The following BCAS3 variants were observed in gnomAD, a reference collection of about 807,000 sequenced individuals.
The protein encoded by BCAS3 is BCAS4/BCAS3 fusion.
Under a neutral mutation model 116.1 loss-of-function variants are expected in BCAS3, and 53 were observed. That is an observed-to-expected ratio of 0.46 (90% CI 0.37 to 0.57). BCAS3 has a LOEUF of 0.57. Ranked by LOEUF, BCAS3 falls within the 20% of genes least tolerant of loss-of-function variation. The pLI is 0.00. For missense variants in BCAS3, 917 were observed against 1,165.4 expected (o/e 0.79, Z 3.10); for synonymous variants, 391 against 408.2 (o/e 0.96, Z 0.51).
chr17:61,255,828 T>C (rs984716656), intron 22 of BCAS3, among the ~76,000 whole-genome samples: 2 of 152,192 alleles, frequency 1.3e-5, no homozygotes, highest in Non-Finnish European at 2.9e-5. Context: ...CCTGGCAGTT[T>C]GTTTAGATGT....
intron 15 of BCAS3, among the ~76,000 whole-genome samples, chr17:61,003,191 G>T (rs1200635567): frequency 6.6e-6 from 1 of 150,676 alleles, no homozygotes; most frequent in Non-Finnish European, 1.5e-5. Flanking sequence ...TTAACTTTAT[G>T]AGAATTTCCC....
rs1162325026 is a variant in BCAS3 at position 61,339,659 on chromosome 17, G to A, written c.2426-28668G>A. Among the ~76,000 whole-genome samples the A allele has an allele frequency of 3.9e-5, 6 of 152,016 alleles. No homozygotes were observed. Among genetic ancestry groups the A allele is most frequent in the Admixed American group, 2.6e-4 (4 of 15,256 alleles). On this transcript the variant is annotated intron_variant, in intron 22 of 23. Coordinates refer to ENST00000407086, the MANE Select transcript of BCAS3 (RefSeq NM_017679.5). The surrounding 1 kb of genome is among the most constrained non-coding windows in gnomAD (Gnocchi z 4.4). ...TGCCCATCTGTAATCCCAGCTACTC[G>A]GGAGGCTGAGGCAGGAGAATCGCTC...
chr17:61,150,855 A>G (rs773127339), intron 22 of BCAS3, among the ~76,000 whole-genome samples: 3 of 152,076 alleles, frequency 2.0e-5, no homozygotes, highest in Non-Finnish European at 4.4e-5. Flanking sequence ...TTACCTCATC[A>G]TTTCGTTTCT....
intron 7 of BCAS3, among the ~76,000 whole-genome samples, chr17:60,863,071 T>A (rs1447311779): frequency 6.6e-6 from 1 of 152,222 alleles, no homozygotes; most frequent in African/African-American, 2.4e-5. Flanking sequence ...ATTTTTAGAC[T>A]TATGATCCAT....
At chr17:61,090,760 C>T (rs940881730) in intron 22 of BCAS3, among the ~76,000 whole-genome samples, 26 of 152,034 alleles carry the variant, frequency 1.7e-4, no homozygotes, top group East Asian at 5.8e-4. Flanking sequence ...CGGGTTCAAG[C>T]GATTCTCCTG....
intron 3 of BCAS3, among the ~76,000 whole-genome samples, chr17:60,686,453 G>A (rs1256497599): frequency 6.6e-6 from 1 of 151,988 alleles, no homozygotes; most frequent in Non-Finnish European, 1.5e-5. Flanking sequence ...TTCTAGTTGT[G>A]ATAACATTGA....
At chr17:60,856,927 T>G (rs1488608717) in intron 7 of BCAS3, among the ~76,000 whole-genome samples, 1 of 152,202 alleles carries the variant, frequency 6.6e-6, no homozygotes, top group Non-Finnish European at 1.5e-5. Context: ...GAATTCACTG[T>G]GTAAATTCCA....
chr17:61,026,848 T>C lies in BCAS3; in HGVS notation c.1638-7818T>C, dbSNP rs770784302. ...TTTTCTCTAATTTTTTGTGCATTTT[T>C]CCCCCTTTTCCATGAAGGCCTTATC... is the stretch of plus-strand genomic sequence containing the variant. On this transcript the variant is annotated intron_variant, in intron 16 of 23. Transcript: ENST00000407086. The surrounding 1 kb of genome is among the most constrained non-coding windows in gnomAD (Gnocchi z 5.0). 3.8e-6 allele frequency: 6 copies of C among 1,589,084 alleles called. No individual in the cohort carries two copies. Among genetic ancestry groups the C allele is most frequent in the South Asian group, 2.3e-5 (2 of 86,942 alleles).
chr17:60,778,907 A>G (rs1220422337), intron 6 of BCAS3, among the ~76,000 whole-genome samples: 2 of 152,218 alleles, frequency 1.3e-5, no homozygotes, highest in African/African-American at 2.4e-5. Flanking sequence ...GTTTGTATAC[A>G]TATTAACACA....
chr17:60,951,786 T>TTTTC (rs2060848660), intron 14 of BCAS3, among the ~76,000 whole-genome samples: 1 of 124,052 alleles, frequency 8.1e-6, no homozygotes, highest in African/African-American at 4.0e-5. Flanking sequence ...TTTTTTTTTT[T>TTTTC]CTTTGGAGAC....
intron 22 of BCAS3, among the ~76,000 whole-genome samples, chr17:61,289,421 A>G (rs1311740573): frequency 6.6e-6 from 1 of 152,226 alleles, no homozygotes; most frequent in Non-Finnish European, 1.5e-5. Context: ...GCCATGTGAA[A>G]CCACTCTGTC....
In BCAS3 at chr17:60,845,760, CTTCT is replaced by C. The variant is rs201224522; in HGVS notation, c.477-22807_477-22804del. Among the ~76,000 whole-genome samples the C allele has an allele frequency of 9.6e-3, 1,454 of 151,590 alleles. 28 individuals carry two copies. Among genetic ancestry groups the C allele is most frequent in the African/African-American group, 0.034 (1,393 of 41,320 alleles). On this transcript the variant is annotated intron_variant, in intron 7 of 23. Coordinates refer to ENST00000407086, the MANE Select transcript of BCAS3 (RefSeq NM_017679.5). ...CTCTTGGTTACATACTCCCTTTCTA[CTTCT>C]TTCTTTCTCTTTTCTTTTTCCTTTT...
intron 22 of BCAS3, among the ~76,000 whole-genome samples, chr17:61,163,292 T>C (rs368997052): frequency 2.1e-4 from 29 of 140,038 alleles, no homozygotes; most frequent in South Asian, 5.4e-4. Context: ...GGCGTGGTGG[T>C]GGGCGCCTGT....
rs35167297 is a variant in BCAS3, at chr17:61,241,547, T to TA, written c.2426-126771dup. Among the ~76,000 whole-genome samples, 2,541 of 150,288 alleles carry TA rather than the reference T, an allele frequency of 0.017. 32 individuals are homozygous for TA. Among genetic ancestry groups the TA allele is most frequent in the Non-Finnish European group, 0.022 (1,484 of 67,536 alleles). ...TAACACGGTGAAACCCCACCTCTAC[T>TA]AAAAAAAAATTACAAAAAAAAATTA... On this transcript the variant is annotated intron_variant, in intron 22 of 23. Transcript: ENST00000407086. This position sits in a 1 kb window ranked among gnomAD's most constrained non-coding sequence, Gnocchi z 4.6.
At chr17:60,792,749 G>A (rs904481894) in intron 6 of BCAS3, among the ~76,000 whole-genome samples, 8 of 152,148 alleles carry the variant, frequency 5.3e-5, no homozygotes, top group Non-Finnish European at 1.0e-4. Flanking sequence ...TCTGCTTTGT[G>A]TTATGAGTTG....
chr17:61,363,817 C>T lies in BCAS3; in HGVS notation c.2426-4510C>T, dbSNP rs922423888. Among the ~76,000 whole-genome samples, 1 of 152,150 alleles carries T rather than the reference C, an allele frequency of 6.6e-6. No homozygotes were observed. Among genetic ancestry groups the T allele is most frequent in the Non-Finnish European group, 1.5e-5 (1 of 68,036 alleles). ...TTCCCCTGTAATGGGACTCAAAGGG[C>T]CAGCTCATCTGATGGAGTGTCCCTG... On this transcript the variant is annotated intron_variant, in intron 22 of 23. Coordinates refer to ENST00000407086, the MANE Select transcript of BCAS3 (RefSeq NM_017679.5). The surrounding 1 kb of genome is among the most constrained non-coding windows in gnomAD (Gnocchi z 4.9).
intron 12 of BCAS3, among the ~76,000 whole-genome samples, chr17:60,917,107 T>A (rs2058817588): frequency 6.6e-6 from 1 of 152,192 alleles, no homozygotes. Context: ...GAAAAAAATC[T>A]AAATATTCAT....
intron 4 of BCAS3, among the ~76,000 whole-genome samples, chr17:60,700,388 G>A (rs1342876495): frequency 6.6e-6 from 1 of 152,098 alleles, no homozygotes; most frequent in African/African-American, 2.4e-5. Context: ...TTTGCCAATG[G>A]GGTAATGATG....
At chr17:60,905,630 A>T (rs555588600) in intron 11 of BCAS3, among the ~76,000 whole-genome samples, 15 of 152,166 alleles carry the variant, frequency 9.9e-5, no homozygotes, top group African/African-American at 3.6e-4. Flanking sequence ...AAGCGGTGTC[A>T]TTTGTCTGGG....
Sources: gnomAD v4.1 joint callset for allele counts (sites outside exome capture counted in the v4.1 genomes callset) on GRCh38, gnomAD v4.1.1 for gene constraint, Gnocchi (gnomAD v3.1) non-coding constraint, MANE v1.5 for transcripts, NCBI Gene and HGNC (gene_info 2026-07-23, HGNC 2026-07-21) for gene names.